The following WIF1 variants were observed in gnomAD, a reference collection of about 807,000 sequenced individuals.
WIF1 encodes the protein Wnt inhibitory factor 1.
In WIF1, 35 loss-of-function variants were observed where a neutral mutation model predicts 53.5. That is an observed-to-expected ratio of 0.65 (90% CI 0.50 to 0.87). The LOEUF (loss-of-function observed/expected upper bound fraction) is 0.87, where lower values mean the gene tolerates loss of function less well. WIF1 is among the 40% of genes least tolerant of loss of function. The pLI is 0.00. For missense variants in WIF1, 467 were observed against 476.8 expected, an observed-to-expected ratio of 0.98 and a Z score of 0.19; for synonymous variants, 171 against 170.4, an observed-to-expected ratio of 1.00 and a Z score of -0.03.
Position 65,051,319 on chromosome 12 carries a change from T to C in WIF1, c.*30A>G. 2 of 1,604,078 alleles carry C rather than the reference T, an allele frequency of 1.2e-6. No homozygotes were observed. The highest frequency in any genetic ancestry group is 2.2e-5 in the East Asian group (1 of 44,648). ...AGGTTAACAAAGGCTATGAACTTGG[T>C]GTAACTTAAAACGTTTCAGATGTCG... On this transcript the variant is annotated 3_prime_UTR_variant, in exon 10 of 10. Coordinates refer to ENST00000286574, the MANE Select transcript of WIF1 (RefSeq NM_007191.5).
intron 2 of WIF1, among the ~76,000 whole-genome samples, chr12:65,094,318 G>T (rs1240716161): frequency 6.6e-6 from 1 of 152,042 alleles, no homozygotes; most frequent in African/African-American, 2.4e-5. Flanking sequence ...AATATATCGG[G>T]GGGAAAATAC....
At chr12:65,074,817 C>CAAA (rs758690202) in intron 3 of WIF1, among the ~76,000 whole-genome samples, 24,885 of 55,848 alleles carry the variant, frequency 0.45, 6,741 homozygotes, top group East Asian at 0.61. Flanking sequence ...CACTCTGTCT[C>CAAA]AAAAAAAAAA....
At chr12:65,113,137 C>A (rs937138704) in intron 2 of WIF1, among the ~76,000 whole-genome samples, 3 of 152,148 alleles carry the variant, frequency 2.0e-5, no homozygotes, top group African/African-American at 7.2e-5. Context: ...TTGCCATCCA[C>A]CAAGGTTCTA....
chr12:65,108,132 T>C (rs1790668583), intron 2 of WIF1, among the ~76,000 whole-genome samples: 1 of 152,222 alleles, frequency 6.6e-6, no homozygotes, highest in Non-Finnish European at 1.5e-5. Context: ...GCAATTATAA[T>C]ACGTTTAATA....
At chr12:65,065,257 G>C (rs1322474987) in intron 6 of WIF1, among the ~76,000 whole-genome samples, 1 of 152,094 alleles carries the variant, frequency 6.6e-6, no homozygotes, top group Non-Finnish European at 1.5e-5. Context: ...TCTAGAGATA[G>C]AAAAAGCATG....
chr12:65,120,540 G>T lies in WIF1; in HGVS notation c.165C>A (p.Ile55=), dbSNP rs1440062247. ...ARVLIGFEED[I]LIVSEGKMAP... is the part of the protein sequence containing the mutation. The stretch of plus-strand genomic sequence containing the variant: ...CCATTTTCCCCTCTGAAACAATCAG[G>T]ATATCTTCTTCAAATCCTGGTTTTT... The change falls in exon 2 of 10, where the codon ATC becomes ATA. Residue 55 remains isoleucine, a synonymous_variant. Transcript: ENST00000286574. 6.2e-7 allele frequency: 1 copy of T among 1,609,830 alleles called. No individual in the cohort carries two copies. The highest frequency in any genetic ancestry group is 1.3e-5 in the African/African-American group (1 of 74,694).
intron 2 of WIF1, among the ~76,000 whole-genome samples, chr12:65,084,749 C>T (rs1466141589): frequency 2.0e-5 from 3 of 152,098 alleles, no homozygotes; most frequent in African/African-American, 4.8e-5. Context: ...AAACCCGGTG[C>T]GTTCCAGAAC....
chr12:65,090,270 G>C (rs1313292243), intron 2 of WIF1, among the ~76,000 whole-genome samples: 1 of 152,154 alleles, frequency 6.6e-6, no homozygotes, highest in Non-Finnish European at 1.5e-5. Context: ...GTCTGGGCTA[G>C]AGTGAGACCT....
intron 2 of WIF1, among the ~76,000 whole-genome samples, chr12:65,087,926 T>C (rs1457604014): frequency 6.6e-6 from 1 of 152,180 alleles, no homozygotes; most frequent in Non-Finnish European, 1.5e-5. Context: ...TTGATAAATT[T>C]TATTTTACAC....
At chr12:65,111,319 G>T (rs17101044) in intron 2 of WIF1, among the ~76,000 whole-genome samples, 6 of 151,774 alleles carry the variant, frequency 4.0e-5, no homozygotes, top group African/African-American at 7.3e-5. Context: ...CCCATTTTCC[G>T]CTCCTTTCTA....
At chr12:65,099,020 G>A (rs1883243372) in intron 2 of WIF1, among the ~76,000 whole-genome samples, 1 of 152,108 alleles carries the variant, frequency 6.6e-6, no homozygotes, top group South Asian at 2.1e-4. Context: ...ATAGAGTCCA[G>A]AGCATTTGGG....
chr12:65,066,902 T>C (rs1403973327), intron 5 of WIF1, among the ~76,000 whole-genome samples, 166 bp from the exon 6 acceptor site: 1 of 152,102 alleles, frequency 6.6e-6, no homozygotes, highest in African/African-American at 2.4e-5. Flanking sequence ...ATTTTTGTGG[T>C]ATAAATTAGG....
intron 2 of WIF1, among the ~76,000 whole-genome samples, chr12:65,103,802 CAA>C (rs1029769686): frequency 1.6e-4 from 24 of 152,262 alleles, no homozygotes; most frequent in African/African-American, 5.1e-4. Context: ...TGACCCTGGG[CAA>C]GTTACTTAAT....
rs147720036 is a variant in WIF1, at chr12:65,108,593, C to T, written c.288+11824G>A. Among the ~76,000 whole-genome samples, 42 of 152,316 alleles carry T rather than the reference C, an allele frequency of 2.8e-4. 2 individuals carry two copies. The highest frequency in any genetic ancestry group is 9.6e-4 in the African/African-American group (40 of 41,566). On this transcript the variant is annotated intron_variant, in intron 2 of 9. Coordinates refer to ENST00000286574, the MANE Select transcript of WIF1 (RefSeq NM_007191.5). ...ATCTCTATTCCCTCATTTCCATTAA[C>T]ACCCATGCTCAATAAGTCCTGTCGA...
intron 2 of WIF1, among the ~76,000 whole-genome samples, chr12:65,109,501 C>T (rs933051273): frequency 6.6e-6 from 1 of 152,114 alleles, no homozygotes; most frequent in African/African-American, 2.4e-5. Context: ...TACATAATAC[C>T]ACAGTTATTA....
chr12:65,107,977 A>C (rs2136292953), intron 2 of WIF1, among the ~76,000 whole-genome samples: 1 of 152,314 alleles, frequency 6.6e-6, no homozygotes, highest in Middle Eastern at 3.4e-3. Flanking sequence ...AGCAGAGCAA[A>C]AGTTGTTCCA....
chr12:65,092,508 G>GTGTA lies in WIF1; in HGVS notation c.289-14655_289-14654insTACA, dbSNP rs1555187373. On this transcript the variant is annotated intron_variant, in intron 2 of 9. Coordinates refer to ENST00000286574, the MANE Select transcript of WIF1 (RefSeq NM_007191.5). ...TATATATGTGTGTATATATATGTGT[G>GTGTA]TATATATATATATATGCATGGTATG... Among the ~76,000 whole-genome samples the GTGTA allele has an allele frequency of 6.8e-4, 100 of 146,750 alleles. No individual in the cohort carries two copies. The South Asian group carries it at 0.012, about 18-fold the overall frequency.
intron 3 of WIF1, among the ~76,000 whole-genome samples, chr12:65,072,089 A>G (rs1471452401): frequency 6.6e-6 from 1 of 152,154 alleles, no homozygotes; most frequent in East Asian, 1.9e-4. Context: ...CACCTTTTAA[A>G]AGTTTTCAAA....
chr12:65,086,546 A>G (rs1280955295), intron 2 of WIF1, among the ~76,000 whole-genome samples: 1 of 152,158 alleles, frequency 6.6e-6, no homozygotes, highest in Non-Finnish European at 1.5e-5. Flanking sequence ...ACTTGAGAGC[A>G]CAACGACACA....
Sources: gnomAD v4.1 joint callset for allele counts (sites outside exome capture counted in the v4.1 genomes callset) on GRCh38, gnomAD v4.1.1 for gene constraint, MANE v1.5 for transcripts, NCBI Gene and HGNC (gene_info 2026-07-23, HGNC 2026-07-21) for gene names.